Variants in IGLL5 observed in about 807,000 individuals in gnomAD.
IGLL5 encodes the protein immunoglobulin lambda-like polypeptide 5.
IGLL5 carries 30 observed loss-of-function variants against 20.9 expected under a neutral mutation model. That is an observed-to-expected ratio of 1.44 (90% CI 1.07 to 1.95). The LOEUF is 1.95. Among genes scored for constraint, IGLL5 ranks in the 30% most tolerant of loss-of-function variants. The pLI, the probability that IGLL5 is intolerant of heterozygous loss-of-function variation, is 0.00. For missense variants in IGLL5, 475 were observed against 270.7 expected, an observed-to-expected ratio of 1.75 and a Z score of -5.30; for synonymous variants, 203 against 117.3, an observed-to-expected ratio of 1.73 and a Z score of -4.72.
chr22:22,894,854 G>T (rs190839110), intron 2 of IGLL5, among the ~76,000 whole-genome samples: 1 of 151,412 alleles, frequency 6.6e-6, no homozygotes, highest in African/African-American at 2.4e-5. Flanking sequence ...CTGGGCTGGG[G>T]CAGAGCCCGG....
At chr22:22,889,101 G>A (rs190408988) in intron 1 of IGLL5, among the ~76,000 whole-genome samples, 2 of 151,258 alleles carry the variant, frequency 1.3e-5, no homozygotes, top group East Asian at 2.0e-4. Context: ...AGTCAGATTT[G>A]TGTTTTTGGA....
chr22:22,894,227 AGCCC>A, intron 2 of IGLL5, among the ~76,000 whole-genome samples: 1 of 151,156 alleles, frequency 6.6e-6, no homozygotes, highest in East Asian at 2.0e-4. Flanking sequence ...CTAGGGGAGC[AGCCC>A]CAAGAACAGC....
chr22:22,888,083 T>TGAGACCCCTGAGGAGCTGGGC lies in IGLL5; in HGVS notation c.31_51dup (p.Glu11_Gly17dup). 6.5e-7 allele frequency: 1 copy of TGAGACCCCTGAGGAGCTGGGC among 1,549,276 alleles called. No homozygotes were observed. Among genetic ancestry groups the TGAGACCCCTGAGGAGCTGGGC allele is most frequent in the Non-Finnish European group, 8.7e-7 (1 of 1,146,566 alleles). On this transcript the variant is annotated inframe_insertion, in exon 1 of 3. Transcript: ENST00000526893. ...GACCCAAGACAGGCCAAGTGGGTTG[T>TGAGACCCCTGAGGAGCTGGGC]GAGACCCCTGAGGAGCTGGGCCCTG...
At chr22:22,889,175 T>G (rs559367762) in intron 1 of IGLL5, among the ~76,000 whole-genome samples, 2 of 150,994 alleles carry the variant, frequency 1.3e-5, no homozygotes, top group East Asian at 2.0e-4. Context: ...GAGGGGGTGA[T>G]GGCCAAGTCC....
chr22:22,891,320 T>C (rs1238830843), intron 1 of IGLL5, among the ~76,000 whole-genome samples: 1 of 151,222 alleles, frequency 6.6e-6, no homozygotes, highest in Non-Finnish European at 1.5e-5. Flanking sequence ...CATCACACAT[T>C]TGTTGAATAT....
chr22:22,894,818 A>C, intron 2 of IGLL5, among the ~76,000 whole-genome samples: 1 of 150,868 alleles, frequency 6.6e-6, no homozygotes, highest in Non-Finnish European at 1.5e-5. Context: ...GGTGGAGCCC[A>C]CTCCTTGCCA....
chr22:22,894,346 G>GTT, intron 2 of IGLL5, among the ~76,000 whole-genome samples: 1 of 151,518 alleles, frequency 6.6e-6, no homozygotes, highest in Admixed American at 6.6e-5. Flanking sequence ...GGCACAGAGA[G>GTT]GGCTCTGGGT....
intron 1 of IGLL5, 67 bp downstream of exon 1, chr22:22,888,326 G>A (rs569621065): frequency 2.0e-6 from 3 of 1,466,056 alleles, no homozygotes; most frequent in African/African-American, 1.4e-5. Flanking sequence ...GTGACCAAGG[G>A]GAGACAAGCC....
chr22:22,888,479 T>C (rs2067603762), intron 1 of IGLL5, among the ~76,000 whole-genome samples: 1 of 151,472 alleles, frequency 6.6e-6, no homozygotes. Flanking sequence ...TCTTGATTTC[T>C]GAGTTTTCTG....
At chr22:22,888,970 A>C (rs552380594) in intron 1 of IGLL5, among the ~76,000 whole-genome samples, 1 of 151,380 alleles carries the variant, frequency 6.6e-6, no homozygotes, top group East Asian at 2.0e-4. Context: ...AGAGGAGAGC[A>C]CAGGATGAGG....
chr22:22,894,023 C>A (rs2067969399), intron 2 of IGLL5, among the ~76,000 whole-genome samples: 1 of 151,484 alleles, frequency 6.6e-6, no homozygotes, highest in Admixed American at 6.6e-5. Context: ...CGGATGCAGC[C>A]TGGTCCCGGG....
At chr22:22,895,249 A>C (rs530945344) in intron 2 of IGLL5, 126 bp from the exon 3 acceptor site, 211 of 844,472 alleles carry the variant, frequency 2.5e-4, no homozygotes, top group Non-Finnish European at 3.8e-4. Flanking sequence ...AAAGAAGAGG[A>C]GAGAACCCCG....
chr22:22,894,251 A>G (rs181348727), intron 2 of IGLL5, among the ~76,000 whole-genome samples: 13 of 149,576 alleles, frequency 8.7e-5, no homozygotes, highest in Middle Eastern at 3.9e-3. Flanking sequence ...CTGAGGGTCT[A>G]GGCTGAGGAC....
chr22:22,888,749 A>G (rs563216810), intron 1 of IGLL5, among the ~76,000 whole-genome samples: 2 of 151,390 alleles, frequency 1.3e-5, no homozygotes, highest in Admixed American at 6.6e-5. Flanking sequence ...CAACTTGCAC[A>G]TAAATGCTTA....
At chr22:22,893,671 T>C (rs777652039) in intron 1 of IGLL5, 29 bp from the exon 2 acceptor site, 1 of 1,492,144 alleles carries the variant, frequency 6.7e-7, no homozygotes, top group South Asian at 1.2e-5. Flanking sequence ...CCCCGCCCAC[T>C]GCAACCCTGT....
At chr22:22,894,009 C>G (rs565499925) in intron 2 of IGLL5, among the ~76,000 whole-genome samples, 191 bp downstream of exon 2, 4 of 151,480 alleles carry the variant, frequency 2.6e-5, no homozygotes, top group East Asian at 4.0e-4. Flanking sequence ...ACAGTGGGAG[C>G]AGCCGGATGC....
intron 1 of IGLL5, among the ~76,000 whole-genome samples, chr22:22,889,766 AT>A (rs2067751401): frequency 6.6e-6 from 1 of 151,084 alleles, no homozygotes; most frequent in Admixed American, 6.6e-5. Flanking sequence ...TTTGATTAGG[AT>A]TATTATTAGT....
chr22:22,891,735 A>G (rs2146017033), intron 1 of IGLL5, among the ~76,000 whole-genome samples: 1 of 151,470 alleles, frequency 6.6e-6, no homozygotes, highest in East Asian at 2.0e-4. Flanking sequence ...TTTTATTCAT[A>G]AAGGGTTTGT....
chr22:22,889,417 A>G (rs2067716826), intron 1 of IGLL5, among the ~76,000 whole-genome samples: 2 of 151,314 alleles, frequency 1.3e-5, no homozygotes, highest in East Asian at 2.0e-4. Context: ...AAACTGGGCA[A>G]TTCCACTTCT....
Sources: allele counts gnomAD v4.1 joint callset (sites outside exome capture counted in the v4.1 genomes callset), GRCh38; gene constraint gnomAD v4.1.1; transcripts MANE v1.5; gene names NCBI Gene and HGNC (gene_info 2026-07-23, HGNC 2026-07-21).